The following FGA variants were observed in gnomAD, a reference collection of about 807,000 sequenced individuals.
FGA encodes the protein fibrinogen alpha chain.
A neutral mutation model predicts 20.3 loss-of-function variants in FGA; 20 were observed. The ratio of observed to expected loss-of-function variants is 0.99; its 90% confidence interval spans 0.69 to 1.43. The LOEUF is 1.43. Ranked by LOEUF, FGA falls within the 40% of genes most tolerant of loss-of-function variation. The pLI is 0.00. For missense variants in FGA, 777 were observed against 784.7 expected, an observed-to-expected ratio of 0.99 and a Z score of 0.12; for synonymous variants, 306 against 281.6, an observed-to-expected ratio of 1.09 and a Z score of -0.87.
At chr4:154,584,076 A>T, downstream of FGA, 1 of 835,054 alleles carries the variant, frequency 1.2e-6, no homozygotes, top group Non-Finnish European at 1.6e-6. Context: ...TTTTCTCTCC[A>T]CTTCTCTAGC....
chr4:154,588,348 G>A (rs1446207706), intron 3 of FGA, among the ~76,000 whole-genome samples: 2 of 152,180 alleles, frequency 1.3e-5, no homozygotes, highest in African/African-American at 4.8e-5. Context: ...GACGTAGCTT[G>A]ACCCTATATT....
chr4:154,585,442 G>T lies in FGA; in HGVS notation c.*52C>A. On this transcript the variant is annotated 3_prime_UTR_variant, in exon 5 of 5. Coordinates refer to ENST00000403106, the MANE Select transcript of FGA (RefSeq NM_021871.4). ...TCAATGACGTGTAACAGAGAGTTAAGAAGGAAATGCAAGGGGCCATGGGAA... is the reference window on the plus strand; with the variant it reads ...TCAATGACGTGTAACAGAGAGTTAATAAGGAAATGCAAGGGGCCATGGGAA... 1 of 1,315,926 alleles carries T rather than the reference G, an allele frequency of 7.6e-7. No homozygotes were observed. The highest frequency in any genetic ancestry group is 1.1e-6 in the Non-Finnish European group (1 of 914,594). The allele number at this position is 1,315,926 out of a possible 1,614,324, so 81.5% of individuals were successfully genotyped here.
rs778779380 is a variant in FGA at position 154,588,792 on chromosome 4, C to T, written c.364+1G>A. 5.0e-6 allele frequency: 8 copies of T among 1,600,386 alleles called. No homozygotes were observed. In the South Asian group the frequency reaches 6.6e-5, roughly 13 times the overall value. Reference sequence around the variant, plus strand: ...CAAAGCAGTAAATATGTAATACTTACTATTGGCTGAGGAAAAATCGCCTCT... The same window carrying T: ...CAAAGCAGTAAATATGTAATACTTATTATTGGCTGAGGAAAAATCGCCTCT... On this transcript the variant is annotated splice_donor_variant, in intron 3 of 4. Coordinates refer to ENST00000403106, the MANE Select transcript of FGA (RefSeq NM_021871.4). LOFTEE classifies it high-confidence loss of function.
rs778145089 is a variant in FGA, at chr4:154,590,678, T to A, written c.10A>T (p.Met4Leu). The change falls in exon 1 of 5, where the codon ATG becomes TTG. Residue 4 changes from methionine (M) to leucine (L), a missense_variant. Transcript: ENST00000403106. Reference sequence around the variant, plus strand: ...CTTAGGACCAGGCAGACGATCCTCATGGAAAACATCTTTTCTAAGGGTGGG... The same window carrying A: ...CTTAGGACCAGGCAGACGATCCTCAAGGAAAACATCTTTTCTAAGGGTGGG... MFS[M>L]RIVCLVLSVV... 16 of 1,556,902 alleles carry A rather than the reference T, an allele frequency of 1.0e-5. No homozygotes were observed. In the African/African-American group the frequency reaches 2.2e-4, roughly 21 times the overall value.
In FGA at chr4:154,585,857, T is replaced by A. The variant is rs1405851252; in HGVS notation, c.1572A>T (p.Ser524=). Residue 524 remains serine, a synonymous_variant, in exon 5 of 5, where the codon TCA becomes TCT. Coordinates refer to ENST00000403106, the MANE Select transcript of FGA (RefSeq NM_021871.4). ...AGAAACCTGGGAATGTTTTTCCAGTTGAGGCAGTGTCGAAGAAGGCAGCTT... is the reference window on the plus strand; with the variant it reads ...AGAAACCTGGGAATGTTTTTCCAGTAGAGGCAGTGTCGAAGAAGGCAGCTT... ...PDEAAFFDTA[S]TGKTFPGFFS... is the part of the protein sequence containing the mutation. 1 of 1,614,144 alleles carries A rather than the reference T, an allele frequency of 6.2e-7. No individual in the cohort carries two copies. The highest frequency in any genetic ancestry group is 1.1e-5 in the South Asian group (1 of 91,086).
At chr4:154,589,663 C>T (rs1730824591) in intron 1 of FGA, 101 bp from the exon 2 acceptor site, 5 of 1,317,650 alleles carry the variant, frequency 3.8e-6, no homozygotes, top group Non-Finnish European at 5.4e-6. Context: ...AGATGGCACT[C>T]TCACAGAGAT....
In FGA at chr4:154,585,640, C is replaced by T. The variant is rs1730688415; in HGVS notation, c.1789G>A (p.Glu597Lys). The T allele has an allele frequency of 6.2e-7, 1 of 1,614,036 alleles. No individual in the cohort carries two copies. The highest frequency in any genetic ancestry group is 1.7e-5 in the Admixed American group (1 of 60,006). ...TSYNRGDSTF[E>K]SKSYKMADEA... ...TCTGCCATTTTATAGCTCTTGCTTT[C>T]AAATGTGGAGTCTCCTCTGTTGTAA... The change falls in exon 5 of 5, where the codon GAA (glutamate) becomes AAA (lysine). Residue 597 changes from glutamate (E) to lysine (K), a missense_variant. Transcript: ENST00000403106.
chr4:154,584,520 T>C, downstream of FGA: 1 of 1,614,164 alleles, frequency 6.2e-7, no homozygotes, highest in Non-Finnish European at 8.5e-7. Flanking sequence ...CTGCATAAGC[T>C]TCATTCCCAG....
chr4:154,588,860 ATTG>A lies in FGA; in HGVS notation c.294_296del (p.Asn99del), dbSNP rs1259144377. On this transcript the variant is annotated inframe_deletion, in exon 3 of 5. Transcript: ENST00000403106. The stretch of plus-strand genomic sequence containing the variant: ...TAGTGGTCAACGAATGAGAATCCTT[ATTG>A]TTCTTCTGATATTCAAATAGTGAAT... The A allele has an allele frequency of 2.5e-6, 4 of 1,612,266 alleles. No homozygotes were observed. Among genetic ancestry groups the A allele is most frequent in the Admixed American group, 1.7e-5 (1 of 59,986 alleles).
In FGA at chr4:154,585,528, G is replaced by C; in HGVS notation, c.1901C>G (p.Thr634Ser). Residue 634 changes from threonine to serine, a missense_variant, in exon 5 of 5, where the codon ACT becomes AGT. Coordinates refer to ENST00000403106, the MANE Select transcript of FGA (RefSeq NM_021871.4). Reference sequence around the variant, plus strand: ...CAGGGAAGGCTTCCCCAAAGGAGAAGTGTGGATACCTCTGACAGGGCGAGA... The same window carrying C: ...CAGGGAAGGCTTCCCCAAAGGAGAACTGTGGATACCTCTGACAGGGCGAGA... ...AKSRPVRGIHTSPLGKPSLSP is the reference protein window; with the variant it reads ...AKSRPVRGIHSSPLGKPSLSP The C allele has an allele frequency of 6.2e-7, 1 of 1,612,954 alleles. No homozygotes were observed. The highest frequency in any genetic ancestry group is 8.5e-7 in the Non-Finnish European group (1 of 1,178,932).
downstream of FGA, chr4:154,584,353 T>A (rs1479874554): frequency 6.2e-7 from 1 of 1,614,158 alleles, no homozygotes; most frequent in Middle Eastern, 1.6e-4. Context: ...CTGGTCTGCA[T>A]CCCTGTCAAA....
rs188331823 is a variant in FGA, at chr4:154,589,347, A to T, written c.180+90T>A. The stretch of plus-strand genomic sequence containing the variant: ...GTAACTATTCAATTATTTTCTATTT[A>T]AAAAAGTTTCTGGGACCAATCAGGT... On this transcript the variant is annotated intron_variant, in intron 2 of 4. Coordinates refer to ENST00000403106, the MANE Select transcript of FGA (RefSeq NM_021871.4). The T allele has an allele frequency of 6.0e-4, 905 of 1,504,726 alleles. 1 individual carries two copies. Among genetic ancestry groups the T allele is most frequent in the Admixed American group, 1.6e-3 (94 of 59,648 alleles). The allele number at this position is 1,504,726 out of a possible 1,614,324, so 93.2% of individuals were successfully genotyped here. A position where few individuals can be genotyped will look rare whatever the true frequency, so the allele number is the denominator to read the frequency against.
At chr4:154,584,627 T>A, downstream of FGA, 2 of 1,614,150 alleles carry the variant, frequency 1.2e-6, no homozygotes, top group Non-Finnish European at 1.7e-6. Flanking sequence ...CCCTCGTCAT[T>A]CAGGCTGCCG....
At position 154,585,754 on chromosome 4, in the gene FGA, C is replaced by A; in HGVS notation, c.1675G>T (p.Glu559Ter). 1 of 1,614,108 alleles carries A rather than the reference C, an allele frequency of 6.2e-7. No homozygotes were observed. The highest frequency in any genetic ancestry group is 8.5e-7 in the Non-Finnish European group (1 of 1,180,024). ...SESGIFTNTKESSSHHPGIAE... is the reference protein window; with the variant it reads ...SESGIFTNTK ...ATCCCAGGGTGATGAGAACTGGATTCCTTTGTATTTGTGAAGATGCCAGAT... is the reference window on the plus strand; with the variant it reads ...ATCCCAGGGTGATGAGAACTGGATTACTTTGTATTTGTGAAGATGCCAGAT... Residue 559 changes from glutamate to a stop codon, truncating the protein, a stop_gained, in exon 5 of 5, where the codon GAA (glutamate) becomes TAA (stop). Coordinates refer to ENST00000403106, the MANE Select transcript of FGA (RefSeq NM_021871.4). LOFTEE classifies it low-confidence loss of function (END_TRUNC).
At chr4:154,584,114 C>CTTCGAAGACAGAGTGCTCCCATTCCCAG (rs1730648499), downstream of FGA, 1 of 1,604,854 alleles carries the variant, frequency 6.2e-7, no homozygotes, top group African/African-American at 1.3e-5. Context: ...CCCATTCCCA[C>CTTCGAAGACAGAGTGCTCCCATTCCCAG]TTCTTCAGCC....
In FGA at chr4:154,586,329, C is replaced by A; in HGVS notation, c.1100G>T (p.Arg367Leu). 1.2e-6 allele frequency: 2 copies of A among 1,614,192 alleles called. No individual in the cohort carries two copies. The highest frequency in any genetic ancestry group is 2.2e-5 in the South Asian group (2 of 91,084). Residue 367 changes from arginine (R) to leucine (L), a missense_variant, in exon 5 of 5, where the codon CGC (arginine) becomes CTC (leucine). Transcript: ENST00000403106. ...AGAGGTCCAGTGCCCAGCACTTCCG[C>A]GTTCAGAGCTGCCAGGATTCCAGGT... ...TGTWNPGSSE[R>L]GSAGHWTSES...
At position 154,586,367 on chromosome 4, in the gene FGA, A is replaced by G. The variant is rs200459889; in HGVS notation, c.1062T>C (p.Pro354=). Residue 354 remains proline, a synonymous_variant, in exon 5 of 5, where the codon CCT becomes CCC. Coordinates refer to ENST00000403106, the MANE Select transcript of FGA (RefSeq NM_021871.4). ...TGNQNPGSPR[P]GSTGTWNPGS... ...CAGGATTCCAGGTTCCGGTACTACC[A>G]GGTCTAGGGCTCCCAGGGTTTTGGT... The G allele has an allele frequency of 1.8e-5, 29 of 1,614,178 alleles. No homozygotes were observed. The East Asian group carries it at 5.6e-4, about 31-fold the overall frequency.
rs1014901573 is a variant in FGA, at chr4:154,585,646, T to A, written c.1783A>T (p.Thr595Ser). 1.2e-6 allele frequency: 2 copies of A among 1,614,186 alleles called. No homozygotes were observed. The highest frequency in any genetic ancestry group is 1.7e-6 in the Non-Finnish European group (2 of 1,180,008). Residue 595 changes from threonine to serine, a missense_variant, in exon 5 of 5, where the codon ACA (threonine) becomes TCA (serine). Coordinates refer to ENST00000403106, the MANE Select transcript of FGA (RefSeq NM_021871.4). Reference protein sequence around the residue: ...SSTSYNRGDSTFESKSYKMAD... With the variant: ...SSTSYNRGDSSFESKSYKMAD... ...ATTTTATAGCTCTTGCTTTCAAATG[T>A]GGAGTCTCCTCTGTTGTAACTCGTG...
intron 1 of FGA, 105 bp from the exon 2 acceptor site, chr4:154,589,667 CAGAGATTAAGG>C: frequency 7.7e-7 from 1 of 1,300,132 alleles, no homozygotes. Context: ...GGCACTCTCA[CAGAGATTAAGG>C]AGAGCAGACA....
Sources: gnomAD v4.1 joint callset for allele counts (sites outside exome capture counted in the v4.1 genomes callset) on GRCh38, gnomAD v4.1.1 for gene constraint, MANE v1.5 for transcripts, NCBI Gene and HGNC (gene_info 2026-07-23, HGNC 2026-07-21) for gene names.